The following USP28 variants were observed in gnomAD, a reference collection of about 807,000 sequenced individuals.
The protein encoded by USP28 is ubiquitin carboxyl-terminal hydrolase 28.
Under a neutral mutation model 145.0 loss-of-function variants are expected in USP28, and 113 were observed. The observed-to-expected ratio is 0.78, with a 90% CI of 0.67 to 0.91. The LOEUF (loss-of-function observed/expected upper bound fraction) is 0.91. USP28 is among the 40% of genes least tolerant of loss of function. The pLI, the probability that USP28 is intolerant of heterozygous loss-of-function variation, is 0.00. For missense variants in USP28, 1,201 were observed against 1,289.6 expected, an observed-to-expected ratio of 0.93 and a Z score of 1.05; for synonymous variants, 447 against 450.9, an observed-to-expected ratio of 0.99 and a Z score of 0.11.
intron 24 of USP28, among the ~76,000 whole-genome samples, chr11:113,800,841 A>AT (rs537961894): frequency 0.13 from 17,862 of 134,406 alleles, 1,333 homozygotes; most frequent in Admixed American, 0.21. Context: ...ACTCTGCATG[A>AT]TTTTTTTTTT....
rs768305276 is a variant in USP28, at chr11:113,815,156, A to T, written c.1672+18T>A. The T allele has an allele frequency of 1.2e-6, 2 of 1,608,216 alleles. No individual in the cohort carries two copies. Among genetic ancestry groups the T allele is most frequent in the Non-Finnish European group, 1.7e-6 (2 of 1,178,352 alleles). On this transcript the variant is annotated intron_variant, in intron 14 of 24. Coordinates refer to ENST00000003302, the Ensembl canonical transcript of USP28. ...CAGAAAAAGCAAAGAGTAACTGACA[A>T]ATTTTAAAAGAGCCAACCTTGTATA...
chr11:113,836,745 A>C (rs1024880474), intron 5 of USP28, among the ~76,000 whole-genome samples: 2 of 151,886 alleles, frequency 1.3e-5, no homozygotes, highest in African/African-American at 4.8e-5. Context: ...CTCCATCCTC[A>C]TCTCGCCACA....
intron 23 of USP28, among the ~76,000 whole-genome samples, chr11:113,802,421 G>A (rs530298060): frequency 6.6e-5 from 10 of 152,352 alleles, no homozygotes; most frequent in African/African-American, 2.2e-4. Flanking sequence ...GGTAAAGGCA[G>A]TGGTAGAAAT....
At chr11:113,827,092 G>C in intron 11 of USP28, 141 bp downstream of exon 11, 2 of 1,026,304 alleles carry the variant, frequency 1.9e-6, no homozygotes, top group South Asian at 2.0e-5. Flanking sequence ...AAAAGGCAAA[G>C]ACCCTCAACC....
At chr11:113,874,449 A>AAAGT in intron 1 of USP28, 2 of 856,410 alleles carry the variant, frequency 2.3e-6, no homozygotes, top group Non-Finnish European at 3.1e-6. Context: ...AAAAAAAAAA[A>AAAGT]GTGTCTCCAT....
At chr11:113,803,840 G>A in exon 22 of USP28, 1 of 1,613,972 alleles carries the variant, frequency 6.2e-7, no homozygotes, top group Non-Finnish European at 8.5e-7. Context: ...GAGATACACA[G>A]ACACTTTTCG....
intron 1 of USP28, chr11:113,874,806 T>TA (rs1415507475): frequency 9.2e-7 from 1 of 1,085,602 alleles, no homozygotes; most frequent in African/African-American, 1.6e-5. Flanking sequence ...TCAATCTTCT[T>TA]AGACATTGGG....
chr11:113,799,937 A>G (rs1938645130), intron 24 of USP28, among the ~76,000 whole-genome samples: 1 of 152,252 alleles, frequency 6.6e-6, no homozygotes, highest in African/African-American at 2.4e-5. Flanking sequence ...AGGGAAACAC[A>G]TGGCAACTAG....
chr11:113,827,987 G>T, intron 10 of USP28, among the ~76,000 whole-genome samples: 1 of 152,092 alleles, frequency 6.6e-6, no homozygotes, highest in East Asian at 1.9e-4. Context: ...ATCAACCTAC[G>T]ATGTTACTTG....
At chr11:113,839,229 A>G (rs1011644318) in intron 5 of USP28, among the ~76,000 whole-genome samples, 3 of 152,214 alleles carry the variant, frequency 2.0e-5, no homozygotes, top group East Asian at 1.9e-4. Context: ...TGTGAATTCA[A>G]TGAAGGGTAG....
intron 12 of USP28, among the ~76,000 whole-genome samples, chr11:113,818,778 T>C (rs1942151580): frequency 6.6e-6 from 1 of 151,944 alleles, no homozygotes; most frequent in African/African-American, 2.4e-5. Context: ...GGAGGATCGC[T>C]TGAGCCTGGG....
At chr11:113,827,840 T>C (rs766426539) in intron 10 of USP28, among the ~76,000 whole-genome samples, 26 of 152,250 alleles carry the variant, frequency 1.7e-4, no homozygotes, top group Admixed American at 9.8e-4. Flanking sequence ...TGTTTTAGTC[T>C]ATTAACCATA....
At chr11:113,822,996 T>C (rs1942851803) in intron 12 of USP28, among the ~76,000 whole-genome samples, 1 of 152,178 alleles carries the variant, frequency 6.6e-6, no homozygotes, top group African/African-American at 2.4e-5. Flanking sequence ...ATTGACTGTG[T>C]ATGGGATCTC....
At chr11:113,874,583 A>G in intron 1 of USP28, 3 of 1,285,424 alleles carry the variant, frequency 2.3e-6, no homozygotes, top group Non-Finnish European at 3.0e-6. Flanking sequence ...TCGTATTTGA[A>G]CAACTGGCAC....
chr11:113,806,487 AC>A lies in USP28; in HGVS notation c.2400+1del, dbSNP rs1456667470. ...GAATTAGAATTTTAAAAACAGAGAT[AC>A]CTTAATCAGCCCTGCTTCAGACCCA... On this transcript the variant is annotated splice_donor_variant, in intron 19 of 24. Transcript: ENST00000003302. LOFTEE classifies it high-confidence loss of function. The A allele has an allele frequency of 8.1e-6, 13 of 1,609,496 alleles. No homozygotes were observed. Among genetic ancestry groups the A allele is most frequent in the Admixed American group, 1.7e-5 (1 of 59,788 alleles).
chr11:113,802,507 G>C (rs939599402), intron 23 of USP28, among the ~76,000 whole-genome samples: 1 of 152,086 alleles, frequency 6.6e-6, no homozygotes, highest in African/African-American at 2.4e-5. Flanking sequence ...TCTGAAGGCA[G>C]GCCACCCCTT....
At chr11:113,815,938 G>A (rs192390949) in intron 13 of USP28, among the ~76,000 whole-genome samples, 15 of 152,306 alleles carry the variant, frequency 9.8e-5, no homozygotes, top group South Asian at 6.2e-4. Context: ...TCTGAGAGAA[G>A]GGCTTCAAGT....
At chr11:113,834,550 CT>C (rs1308936239) in intron 5 of USP28, among the ~76,000 whole-genome samples, 2 of 151,866 alleles carry the variant, frequency 1.3e-5, no homozygotes, top group Non-Finnish European at 2.9e-5. Flanking sequence ...TAGAAACAAC[CT>C]AATGTCTAAC....
Position 113,809,047 on chromosome 11 carries a change from A to C in USP28, c.2164+16T>G. 1 of 1,608,338 alleles carries C rather than the reference A, an allele frequency of 6.2e-7. No homozygotes were observed. The highest frequency in any genetic ancestry group is 8.5e-7 in the Non-Finnish European group (1 of 1,177,138). ...AGATGTTACTGGATCACTGGCATAAATGCCTTCTCAGATACCTTGTGATGT... is the reference window on the plus strand; with the variant it reads ...AGATGTTACTGGATCACTGGCATAACTGCCTTCTCAGATACCTTGTGATGT... On this transcript the variant is annotated intron_variant, in intron 17 of 24. Coordinates refer to ENST00000003302, the Ensembl canonical transcript of USP28.
Sources: gnomAD v4.1 joint callset for allele counts (sites outside exome capture counted in the v4.1 genomes callset) on GRCh38, gnomAD v4.1.1 for gene constraint, MANE v1.5 for transcripts, NCBI Gene and HGNC (gene_info 2026-07-23, HGNC 2026-07-21) for gene names.